POM121: variants seen among roughly 807,000 people sequenced by gnomAD.
POM121 encodes the protein POM121 transmembrane nucleoporin.
A neutral mutation model predicts 81.3 loss-of-function variants in POM121; 32 were observed. The ratio of observed to expected loss-of-function variants is 0.39; its 90% confidence interval spans 0.30 to 0.53. The LOEUF (loss-of-function observed/expected upper bound fraction) is 0.53. Ranked by LOEUF, POM121 falls within the 20% of genes least tolerant of loss-of-function variation. The pLI, the probability that POM121 is intolerant of heterozygous loss-of-function variation, is 0.66. For synonymous variants in POM121, 514 were observed against 694.2 expected, an observed-to-expected ratio of 0.74 and a Z score of 4.08; for missense variants, 1,138 against 1,614.6, an observed-to-expected ratio of 0.70 and a Z score of 5.06.
At chr7:72,888,730 T>G (rs1790995187) in intron 1 of POM121, among the ~76,000 whole-genome samples, 2 of 151,738 alleles carry the variant, frequency 1.3e-5, no homozygotes. Flanking sequence ...TATATGTGCT[T>G]GTGTGTAATT....
intron 1 of POM121, among the ~76,000 whole-genome samples, chr7:72,888,677 T>TGA (rs1554490416): frequency 8.6e-6 from 1 of 116,874 alleles, no homozygotes; most frequent in African/African-American, 2.7e-5. Context: ...GGCATAAGAG[T>TGA]GTGTGTGTGT....
chr7:72,925,523 G>C lies in POM121; in HGVS notation c.402G>C (p.Leu134=), dbSNP rs781878748. 6.5e-7 allele frequency: 1 copy of C among 1,533,364 alleles called. No individual in the cohort carries two copies. Among genetic ancestry groups the C allele is most frequent in the East Asian group, 2.4e-5 (1 of 40,890 alleles). The allele number at this position is 1,533,364 out of a possible 1,614,324, so 95.0% of individuals were successfully genotyped here. The change falls in exon 1 of 13, where the codon CTG becomes CTC. Residue 134 remains leucine (L), a synonymous_variant. Transcript: ENST00000434423. ...TCGAAGGACCTGACCCTGCGGAACT[G>C]CTACTCATGGGCAGTTACCTGGGCA... ...TLLEGPDPAE[L]LLMGSYLGKP...
chr7:72,910,846 C>T (rs775689759), intron 3 of POM121, among the ~76,000 whole-genome samples: 2 of 152,072 alleles, frequency 1.3e-5, no homozygotes, highest in Non-Finnish European at 1.5e-5. Flanking sequence ...AGACTCTGCT[C>T]TAACAGATAA....
At chr7:72,924,844 C>T (rs1484837529), upstream of POM121, 5 of 430,510 alleles carry the variant, frequency 1.2e-5, no homozygotes, top group Non-Finnish European at 2.0e-5. Flanking sequence ...TTAGGAATTA[C>T]GTAAGCATAG....
At chr7:72,898,237 T>A (rs553590426) in intron 3 of POM121, among the ~76,000 whole-genome samples, 1 of 152,182 alleles carries the variant, frequency 6.6e-6, no homozygotes, top group Admixed American at 6.6e-5. Flanking sequence ...GGTTTATTTT[T>A]TTCTTTAAAA....
chr7:72,929,489 AT>A (rs564366780), intron 4 of POM121, among the ~76,000 whole-genome samples: 6 of 151,586 alleles, frequency 4.0e-5, no homozygotes, highest in South Asian at 2.1e-4. Flanking sequence ...CTTAACTCTG[AT>A]TTTTTTTTAA....
At chr7:72,893,994 G>A (rs10231271) in intron 3 of POM121, among the ~76,000 whole-genome samples, 69,861 of 151,986 alleles carry the variant, frequency 0.46, 16,746 homozygotes, top group South Asian at 0.58. Context: ...GGTCTCGGCC[G>A]GGCATGATGG....
At chr7:72,926,125 A>C in intron 1 of POM121, 137 bp from the exon 2 acceptor site, 1 of 960,202 alleles carries the variant, frequency 1.0e-6, no homozygotes. Context: ...AGTTGCCATA[A>C]AAACACCGTG....
At chr7:72,915,360 A>G (rs1472706946) in intron 4 of POM121, among the ~76,000 whole-genome samples, 2 of 152,126 alleles carry the variant, frequency 1.3e-5, no homozygotes, top group African/African-American at 2.4e-5. Flanking sequence ...TGATTAACAA[A>G]CTAGCCAACA....
chr7:72,909,239 G>A (rs1397724181), intron 3 of POM121, among the ~76,000 whole-genome samples: 2 of 152,176 alleles, frequency 1.3e-5, no homozygotes, highest in Non-Finnish European at 2.9e-5. Flanking sequence ...TGTTTCGAGA[G>A]TGTTCATAAT....
chr7:72,913,488 C>T (rs1793999655), intron 3 of POM121, among the ~76,000 whole-genome samples: 2 of 152,158 alleles, frequency 1.3e-5, no homozygotes, highest in Non-Finnish European at 2.9e-5. Flanking sequence ...GCAGCTTTTC[C>T]CCACTGTCAC....
rs1554500520 is a variant in POM121 at position 72,939,977 on chromosome 7, T to G, written c.1563+9T>G. On this transcript the variant is annotated intron_variant, in intron 8 of 12. Coordinates refer to ENST00000434423, the MANE Select transcript of POM121 (RefSeq NM_001387691.1). ...GGGAACAGCTGACCTTGGTATGGTC[T>G]TGTCCATCTACTCCTGCCCTCCCCG... is the stretch of plus-strand genomic sequence containing the variant. The G allele has an allele frequency of 1.2e-6, 2 of 1,604,530 alleles. No individual in the cohort carries two copies. The highest frequency in any genetic ancestry group is 1.7e-5 in the Admixed American group (1 of 59,442).
Position 72,925,337 on chromosome 7 carries a change from G to A in POM121, c.216G>A (p.Glu72=), listed in dbSNP as rs1278547941. The A allele has an allele frequency of 9.8e-6, 15 of 1,534,342 alleles. No homozygotes were observed. Among genetic ancestry groups the A allele is most frequent in the Non-Finnish European group, 1.3e-5 (15 of 1,146,642 alleles). ...CGGCCTGGTGGGGACTGAGCCGCGA[G>A]CCCCGAGGTTCGCGCCCCTTGTCCT... The part of the protein sequence containing the change: ...ATAAWWGLSR[E]PRGSRPLSSF... Residue 72 remains glutamate, a synonymous_variant, in exon 1 of 13, where the codon GAG becomes GAA. Coordinates refer to ENST00000434423, the MANE Select transcript of POM121 (RefSeq NM_001387691.1).
chr7:72,938,113 T>C (rs1414387350), intron 5 of POM121, among the ~76,000 whole-genome samples: 2 of 152,224 alleles, frequency 1.3e-5, no homozygotes, highest in East Asian at 3.8e-4. Flanking sequence ...CCTTCTACCT[T>C]TATTCGCATT....
intron 3 of POM121, among the ~76,000 whole-genome samples, chr7:72,894,794 C>T (rs1554491469): frequency 6.6e-6 from 1 of 151,960 alleles, no homozygotes; most frequent in East Asian, 1.9e-4. Context: ...GTAGCTGGCA[C>T]TACAGGTGCG....
At chr7:72,948,879 G>T, downstream of POM121, 5 of 1,607,408 alleles carry the variant, frequency 3.1e-6, no homozygotes, top group Non-Finnish European at 4.3e-6. Context: ...CGACCCTGGC[G>T]CACGCCCTGT....
At chr7:72,928,839 A>G (rs1403255963) in intron 4 of POM121, among the ~76,000 whole-genome samples, 2 of 152,246 alleles carry the variant, frequency 1.3e-5, no homozygotes, top group African/African-American at 2.4e-5. Flanking sequence ...TGGAAAGGAA[A>G]GTGGCTCAAA....
At position 72,930,050 on chromosome 7, in the gene POM121, T is replaced by C. The variant is rs1795859708; in HGVS notation, c.1214T>C (p.Ile405Thr). 8 of 1,613,974 alleles carry C rather than the reference T, an allele frequency of 5.0e-6. No individual in the cohort carries two copies. The East Asian group carries it at 1.8e-4, about 36-fold the overall frequency. The change falls in exon 5 of 13, where the codon ATC (isoleucine) becomes ACC (threonine). Residue 405 changes from isoleucine to threonine, a missense_variant. Transcript: ENST00000434423. The stretch of plus-strand genomic sequence containing the variant: ...TTGACAGGCGCTTACGCAAGTGGCA[T>C]CCCTAGCTCCAGCCGCAATGCCATT... ...SSLTGAYASG[I>T]PSSSRNAITS...
chr7:72,904,190 T>C (rs534538311), intron 3 of POM121, among the ~76,000 whole-genome samples: 4 of 152,326 alleles, frequency 2.6e-5, no homozygotes, highest in Non-Finnish European at 5.9e-5. Flanking sequence ...CAGCATCCTT[T>C]CTCAGGTCTA....
Sources: allele counts gnomAD v4.1 joint callset (sites outside exome capture counted in the v4.1 genomes callset), GRCh38; gene constraint gnomAD v4.1.1; transcripts MANE v1.5; gene names NCBI Gene and HGNC (gene_info 2026-07-23, HGNC 2026-07-21).